The following PATL1 variants were observed in gnomAD, a reference collection of about 807,000 sequenced individuals.
PATL1 encodes the protein PAT1 homolog 1, processing body mRNA decay factor.
PATL1 carries 32 observed loss-of-function variants against 100.6 expected under a neutral mutation model. The observed-to-expected ratio is 0.32, with a 90% CI of 0.24 to 0.43. PATL1 has a LOEUF of 0.43. PATL1 is among the 20% of genes least tolerant of loss of function. The pLI, the probability that PATL1 is intolerant of heterozygous loss-of-function variation, is 1.00. For missense variants in PATL1, 747 were observed against 949.9 expected (o/e 0.79, Z 2.81); for synonymous variants, 332 against 330.0 (o/e 1.01, Z -0.07).
At chr11:59,644,909 T>TAAA (rs1554983880) in intron 15 of PATL1, among the ~76,000 whole-genome samples, 1 of 111,544 alleles carries the variant, frequency 9.0e-6, no homozygotes, top group Non-Finnish European at 1.8e-5. Flanking sequence ...TTTTTTTTTT[T>TAAA]AAAAAAAAAA....
intron 15 of PATL1, among the ~76,000 whole-genome samples, chr11:59,643,832 T>C (rs1861322930): frequency 6.6e-6 from 1 of 152,248 alleles, no homozygotes; most frequent in African/African-American, 2.4e-5. Context: ...TGTTTGGAGT[T>C]ACATAGCCAC....
rs936515315 is a variant in PATL1 at position 59,638,276 on chromosome 11, G to C, written c.*114C>G. ...CTGTAAACAGGAATCGATCCCACAAGACTTTGCTTTGGGGAAAAAGCTACC... is the reference window on the plus strand; with the variant it reads ...CTGTAAACAGGAATCGATCCCACAACACTTTGCTTTGGGGAAAAAGCTACC... On this transcript the variant is annotated 3_prime_UTR_variant, in exon 19 of 19. Transcript: ENST00000300146. 8.5e-6 allele frequency: 9 copies of C among 1,057,032 alleles called. No individual in the cohort carries two copies. In the Admixed American group the frequency reaches 1.0e-4, roughly 12 times the overall value. 65.5% of individuals were successfully genotyped at this position (1,057,032 alleles called of 1,614,324 possible).
At chr11:59,639,444 T>G in intron 16 of PATL1, 61 bp from the exon 17 acceptor site, 2 of 1,277,868 alleles carry the variant, frequency 1.6e-6, no homozygotes, top group South Asian at 1.3e-5. Context: ...TCCACCACTG[T>G]TGAAGGGATC....
intron 7 of PATL1, 96 bp downstream of exon 7, chr11:59,655,859 TA>T: frequency 7.3e-7 from 1 of 1,367,710 alleles, no homozygotes; most frequent in Non-Finnish European, 1.0e-6. Context: ...AAGGCAAAAA[TA>T]AAAGTAGTGA....
Position 59,656,597 on chromosome 11 carries a change from G to C in PATL1, c.625C>G (p.Leu209Val). 1 of 1,613,002 alleles carries C rather than the reference G, an allele frequency of 6.2e-7. No homozygotes were observed. The highest frequency in any genetic ancestry group is 1.1e-5 in the South Asian group (1 of 91,030). Reference protein sequence around the residue: ...MAVPSFTQQILCPKPVHVRPP... With the variant: ...MAVPSFTQQIVCPKPVHVRPP... ...CGAACATGGACAGGCTTCGGACACA[G>C]AATCTATCAGGACAAACATATATAC... Residue 209 changes from leucine to valine, a missense_variant, in exon 6 of 19, where the codon CTG becomes GTG. Physicochemically the swap from Leu to Val is conservative, Grantham distance 32 (BLOSUM62 1). Around this residue, in one of 4 missense-constraint regions of PATL1, gnomAD observed 127 missense variants for 116.0 expected, o/e 1.09. Coordinates refer to ENST00000300146, the MANE Select transcript of PATL1 (RefSeq NM_152716.3).
At chr11:59,656,096 A>G in intron 6 of PATL1, 51 bp from the exon 7 acceptor site, 1 of 1,083,680 alleles carries the variant, frequency 9.2e-7, no homozygotes, top group Non-Finnish European at 1.3e-6. Context: ...AACAGGGGGT[A>G]CATCATAATA....
At chr11:59,655,906 T>G in intron 7 of PATL1, 50 bp downstream of exon 7, 2 of 1,454,492 alleles carry the variant, frequency 1.4e-6, no homozygotes, top group Non-Finnish European at 1.9e-6. Context: ...TCTAATGAAC[T>G]TTAGGAAAGT....
chr11:59,658,805 C>T (rs1417902195), intron 4 of PATL1, 61 bp downstream of exon 4: 18 of 1,313,258 alleles, frequency 1.4e-5, no homozygotes, highest in South Asian at 9.4e-5. Context: ...GAAAGGATGA[C>T]GACAGGAACT....
intron 16 of PATL1, among the ~76,000 whole-genome samples, chr11:59,640,778 A>G (rs12289162): frequency 0.17 from 25,990 of 151,856 alleles, 4,072 homozygotes; most frequent in African/African-American, 0.41. Context: ...CATGCCTGTA[A>G]TTCCAGCACT....
chr11:59,649,674 A>G (rs1861413823), intron 13 of PATL1, 64 bp from the exon 14 acceptor site: 25 of 1,517,090 alleles, frequency 1.6e-5, no homozygotes, highest in Non-Finnish European at 2.1e-5. Flanking sequence ...TAGTTAAACA[A>G]TTTCACAGTT....
chr11:59,650,682 C>T, intron 13 of PATL1, 72 bp downstream of exon 13: 3 of 1,048,738 alleles, frequency 2.9e-6, no homozygotes, highest in Non-Finnish European at 4.1e-6. Context: ...CTCACTGTTT[C>T]AGTTCTAGTA....
At chr11:59,639,691 T>C (rs756438702) in intron 16 of PATL1, 10 of 205,634 alleles carry the variant, frequency 4.9e-5, no homozygotes, top group Non-Finnish European at 8.7e-5. Flanking sequence ...ATGGATAATG[T>C]AGAATTTGAC....
intron 2 of PATL1, 108 bp downstream of exon 2, chr11:59,666,745 C>T: frequency 8.5e-7 from 1 of 1,174,734 alleles, no homozygotes; most frequent in Non-Finnish European, 1.2e-6. Flanking sequence ...AATATCTTGC[C>T]AAGTTAGTGA....
chr11:59,644,573 G>A (rs189760524), intron 15 of PATL1, among the ~76,000 whole-genome samples: 3 of 152,206 alleles, frequency 2.0e-5, no homozygotes, highest in Admixed American at 2.0e-4. Flanking sequence ...AAGAAACTGG[G>A]TCATTTGTTC....
intron 16 of PATL1, 23 bp from the exon 17 acceptor site, chr11:59,639,406 T>A: frequency 6.5e-7 from 1 of 1,529,536 alleles, no homozygotes; most frequent in Non-Finnish European, 8.9e-7. Context: ...ACAGAGGGAA[T>A]CAAACTCAAC....
chr11:59,641,764 TC>T (rs1293832282), intron 16 of PATL1, among the ~76,000 whole-genome samples: 1 of 151,384 alleles, frequency 6.6e-6, no homozygotes, highest in Admixed American at 6.6e-5. Context: ...AAAAAAAAAA[TC>T]CCTTTTCATG....
At chr11:59,643,308 A>G (rs1272877102) in intron 15 of PATL1, among the ~76,000 whole-genome samples, 2 of 152,120 alleles carry the variant, frequency 1.3e-5, no homozygotes, top group African/African-American at 4.8e-5. Flanking sequence ...TAAAACATCA[A>G]TATTTTAACT....
intron 13 of PATL1, 116 bp from the exon 14 acceptor site, chr11:59,649,726 AG>A: frequency 8.9e-7 from 1 of 1,124,002 alleles, no homozygotes; most frequent in Non-Finnish European, 1.2e-6. Flanking sequence ...AGAAAGACTG[AG>A]ATTTTTTTTT....
At chr11:59,638,679 TCTTTTTA>T (rs1393916023) in intron 18 of PATL1, among the ~76,000 whole-genome samples, 1 of 150,504 alleles carries the variant, frequency 6.6e-6, no homozygotes, top group East Asian at 1.9e-4. Flanking sequence ...AATCATAACT[TCTTTTTA>T]TTTATTTTTT....
Sources: gnomAD v4.1 joint callset for allele counts (sites outside exome capture counted in the v4.1 genomes callset) on GRCh38, gnomAD v4.1.1 for gene constraint, gnomAD v4.1.1 regional missense constraint, MANE v1.5 for transcripts, NCBI Gene and HGNC (gene_info 2026-07-23, HGNC 2026-07-21) for gene names.